Variants in DAB1 observed in about 807,000 individuals in gnomAD.
DAB1 encodes the protein disabled homolog 1.
A neutral mutation model predicts 64.6 loss-of-function variants in DAB1; 15 were observed. That is an observed-to-expected ratio of 0.23 (90% CI 0.16 to 0.36). The LOEUF is 0.36. Ranked by LOEUF, DAB1 falls within the 10% of genes least tolerant of loss-of-function variation. The probability of loss-of-function intolerance (pLI) is 1.00; values close to 1 mark genes in which losing one functional copy is unlikely to be tolerated. For missense variants in DAB1, 596 were observed against 706.7 expected (o/e 0.84, Z 1.78); for synonymous variants, 235 against 251.9 (o/e 0.93, Z 0.64).
intron 4 of DAB1, among the ~76,000 whole-genome samples, chr1:57,128,269 A>C (rs1344919096): frequency 6.6e-6 from 1 of 152,128 alleles, no homozygotes; most frequent in Non-Finnish European, 1.5e-5. Flanking sequence ...CATCCCAAAA[A>C]TCAGCCACAA....
intron 4 of DAB1, among the ~76,000 whole-genome samples, chr1:58,254,273 T>C (rs957955676): frequency 2.0e-5 from 3 of 152,210 alleles, no homozygotes; most frequent in Non-Finnish European, 4.4e-5. Flanking sequence ...CTTTTCTCTC[T>C]TGCTGTTTGT....
At position 58,442,148 on chromosome 1, in the gene DAB1, C is replaced by T. The variant is rs558543752; in HGVS notation, n.257+63912G>A. Among the ~76,000 whole-genome samples, 37 of 152,208 alleles carry T rather than the reference C, an allele frequency of 2.4e-4. 1 individual carries two copies. The South Asian group carries it at 2.9e-3, about 12-fold the overall frequency. ...GCGTGTGTGTGCATGTATGTGTGTGCGTGAATGTGCATGCATGTGCACGTA... is the reference window on the plus strand; with the variant it reads ...GCGTGTGTGTGCATGTATGTGTGTGTGTGAATGTGCATGCATGTGCACGTA... On this transcript the variant is annotated intron_variant and non_coding_transcript_variant, in intron 3 of 20. Coordinates refer to the DAB1 transcript ENST00000485760.
chr1:57,135,955 A>T (rs1238770784), intron 4 of DAB1, among the ~76,000 whole-genome samples: 1 of 152,210 alleles, frequency 6.6e-6, no homozygotes, highest in Non-Finnish European at 1.5e-5. Context: ...TGACAGTGTC[A>T]GGAGAGCTCT....
chr1:57,665,916 C>T (rs1646442720), intron 6 of DAB1, among the ~76,000 whole-genome samples: 1 of 140,124 alleles, frequency 7.1e-6, no homozygotes, highest in African/African-American at 2.6e-5. Flanking sequence ...TTTCAAATTT[C>T]CTTTAATGAG....
At chr1:58,103,668 T>C (rs1483662953) in intron 5 of DAB1, among the ~76,000 whole-genome samples, 1 of 152,166 alleles carries the variant, frequency 6.6e-6, no homozygotes, top group African/African-American at 2.4e-5. Context: ...TTTTACAATA[T>C]TGCATTGAGT....
intron 2 of DAB1, among the ~76,000 whole-genome samples, chr1:57,198,673 A>T: frequency 6.6e-6 from 1 of 151,088 alleles, no homozygotes. Context: ...ACACACACAC[A>T]CACACACACA....
intron 2 of DAB1, among the ~76,000 whole-genome samples, chr1:57,193,801 C>A (rs1047145360): frequency 2.0e-5 from 3 of 151,826 alleles, no homozygotes; most frequent in Non-Finnish European, 4.4e-5. Context: ...GAATGAGAAA[C>A]ACCACAGCAT....
At chr1:57,308,630 G>A (rs1445655782) in intron 1 of DAB1, among the ~76,000 whole-genome samples, 1 of 152,126 alleles carries the variant, frequency 6.6e-6, no homozygotes, top group Non-Finnish European at 1.5e-5. Flanking sequence ...AATCATTCTG[G>A]TGGCATATTG....
chr1:57,823,246 G>A (rs1381713647), downstream of DAB1, among the ~76,000 whole-genome samples: 2 of 152,004 alleles, frequency 1.3e-5, no homozygotes, highest in Admixed American at 6.6e-5. Flanking sequence ...AACTCCCAAA[G>A]TGCTGGGATT....
chr1:57,478,353 G>A (rs1356494851), intron 7 of DAB1, among the ~76,000 whole-genome samples: 3 of 152,072 alleles, frequency 2.0e-5, no homozygotes, highest in Non-Finnish European at 4.4e-5. Flanking sequence ...TTCTGAAACT[G>A]TACAAAATTT....
intron 7 of DAB1, among the ~76,000 whole-genome samples, chr1:57,462,324 A>T (rs1686812167): frequency 6.6e-6 from 1 of 152,136 alleles, no homozygotes; most frequent in African/African-American, 2.4e-5. Context: ...TGGCTGTGTG[A>T]GTTTACAGAA....
chr1:58,535,066 C>T (rs145558891), intron 1 of DAB1, among the ~76,000 whole-genome samples: 560 of 152,200 alleles, frequency 3.7e-3, no homozygotes, highest in Middle Eastern at 0.01. Context: ...AGTTAAACTA[C>T]CAAAATAGAC....
chr1:57,104,508 C>T (rs933268904), intron 4 of DAB1, among the ~76,000 whole-genome samples: 14 of 152,172 alleles, frequency 9.2e-5, no homozygotes, highest in African/African-American at 2.9e-4. Context: ...GGGCTTAAAT[C>T]GACTTAAGTC....
At chr1:57,519,479 C>T (rs1265968478) in intron 7 of DAB1, among the ~76,000 whole-genome samples, 1 of 152,138 alleles carries the variant, frequency 6.6e-6, no homozygotes, top group Non-Finnish European at 1.5e-5. Context: ...AGTATCTTGA[C>T]CCCTATTTGC....
At chr1:57,244,861 G>A (rs771870189) in intron 2 of DAB1, among the ~76,000 whole-genome samples, 11 of 152,194 alleles carry the variant, frequency 7.2e-5, no homozygotes, top group African/African-American at 1.4e-4. Flanking sequence ...CTAACGTAGC[G>A]TTCTGATATG....
At position 57,929,432 on chromosome 1, in the gene DAB1, A is replaced by C. The variant is rs1455664856; in HGVS notation, n.388-45270T>G. On this transcript the variant is annotated intron_variant and non_coding_transcript_variant, in intron 5 of 20. Coordinates refer to the DAB1 transcript ENST00000485760. Reference sequence around the variant, plus strand: ...TTCACAAGTGTCTTTCACAGAGCAGAAATTAATTTTAGTAAAGTCTAACTA... The same window carrying C: ...TTCACAAGTGTCTTTCACAGAGCAGCAATTAATTTTAGTAAAGTCTAACTA... 2.6e-5 allele frequency among the ~76,000 whole-genome samples: 4 copies of C among 152,352 alleles called. No homozygotes were observed. The South Asian group carries it at 6.2e-4, about 24-fold the overall frequency.
chr1:57,523,739 T>C (rs1256099729), intron 7 of DAB1, among the ~76,000 whole-genome samples: 2 of 151,908 alleles, frequency 1.3e-5, no homozygotes, highest in African/African-American at 4.8e-5. Flanking sequence ...CTGGCCAACA[T>C]AGTGAAATCT....
At chr1:57,374,004 T>A (rs766401283) in intron 1 of DAB1, among the ~76,000 whole-genome samples, 3 of 152,206 alleles carry the variant, frequency 2.0e-5, no homozygotes, top group Non-Finnish European at 4.4e-5. Flanking sequence ...CCAGAAAAAT[T>A]GTTTATTACA....
At chr1:58,356,153 T>G (rs1644108838) in intron 3 of DAB1, among the ~76,000 whole-genome samples, 1 of 152,214 alleles carries the variant, frequency 6.6e-6, no homozygotes, top group Non-Finnish European at 1.5e-5. Context: ...CAAACTAGCG[T>G]CTGCATTATT....
Sources: allele counts gnomAD v4.1 joint callset (sites outside exome capture counted in the v4.1 genomes callset), GRCh38; gene constraint gnomAD v4.1.1; transcripts MANE v1.5; gene names NCBI Gene and HGNC (gene_info 2026-07-23, HGNC 2026-07-21).